Variants in NR2F1 observed in about 807,000 individuals in gnomAD.
The protein encoded by NR2F1 is COUP transcription factor 1.
A neutral mutation model predicts 37.7 loss-of-function variants in NR2F1; 1 was observed. The ratio of observed to expected loss-of-function variants is 0.03; its 90% CI spans 0.01 to 0.13. The LOEUF is 0.13. Among genes scored for constraint, NR2F1 ranks in the 10% least tolerant of loss-of-function variants. The probability of loss-of-function intolerance (pLI) is 1.00; values close to 1 mark genes in which losing one functional copy is unlikely to be tolerated. For synonymous variants in NR2F1, 275 were observed against 259.6 expected (o/e 1.06, Z -0.57); for missense variants, 268 against 578.4 (o/e 0.46, Z 5.50).
intron 2 of NR2F1, 59 bp downstream of exon 2, chr5:93,588,503 C>T (rs991928440): frequency 8.5e-6 from 11 of 1,298,238 alleles, no homozygotes; most frequent in Non-Finnish European, 1.1e-5. Flanking sequence ...GGCCCCGCGC[C>T]GCCCGGGCCT....
rs1379103854 is a variant in NR2F1 at position 93,584,457 on chromosome 5, G to C, written c.-567G>C. The C allele has an allele frequency of 6.7e-6, 1 of 149,570 alleles. No homozygotes were observed. Among genetic ancestry groups the C allele is most frequent in the East Asian group, 1.9e-4 (1 of 5,138 alleles). The allele number at this position is 149,570 out of a possible 1,614,324, so 9.3% of individuals were successfully genotyped here. On this transcript the variant is annotated 5_prime_UTR_variant, in exon 1 of 3. Coordinates refer to ENST00000327111, the MANE Select transcript of NR2F1 (RefSeq NM_005654.6). Reference sequence around the variant, plus strand: ...TGTGTGTGCGAGTGTGTGTGTGCGCGGGGGTGCGGGCGAGGCGGAGGGCGA... The same window carrying C: ...TGTGTGTGCGAGTGTGTGTGTGCGCCGGGGTGCGGGCGAGGCGGAGGGCGA...
chr5:93,585,676 C>G (rs1753218478), intron 1 of NR2F1, 190 bp downstream of exon 1: 1 of 586,242 alleles, frequency 1.7e-6, no homozygotes. Context: ...CTGCCGCTGC[C>G]TCCCCCTCCC....
intron 1 of NR2F1, among the ~76,000 whole-genome samples, chr5:93,586,562 G>C (rs373056078): frequency 6.6e-6 from 1 of 152,102 alleles, no homozygotes; most frequent in Non-Finnish European, 1.5e-5. Context: ...TCAAATTAGC[G>C]AACCAGTCAA....
intron 2 of NR2F1, 116 bp downstream of exon 2, chr5:93,588,560 T>A (rs1250632483): frequency 9.7e-6 from 6 of 618,900 alleles, no homozygotes; most frequent in African/African-American, 2.0e-5. Flanking sequence ...GGCCGGGCCC[T>A]CGCTGGACAC....
chr5:93,587,871 GCTCCCTGGATGCACATTGC>G, intron 1 of NR2F1, 27 bp from the exon 2 acceptor site: 2 of 1,522,214 alleles, frequency 1.3e-6, no homozygotes, highest in East Asian at 4.5e-5. Context: ...ATGTTCGCAA[GCTCCCTGGATGCACATTGC>G]CTCTTTTCTC....
chr5:93,588,954 CAG>C (rs1346002119), intron 2 of NR2F1, among the ~76,000 whole-genome samples: 3 of 152,062 alleles, frequency 2.0e-5, no homozygotes, highest in Non-Finnish European at 4.4e-5. Flanking sequence ...TTTCCCGACA[CAG>C]AGAGACACAG....
chr5:93,585,262 G>A lies in NR2F1; in HGVS notation c.239G>A (p.Ser80Asn). 1 of 1,587,242 alleles carries A rather than the reference G, an allele frequency of 6.3e-7. No homozygotes were observed. Among genetic ancestry groups the A allele is most frequent in the Non-Finnish European group, 8.6e-7 (1 of 1,166,722 alleles). The change falls in exon 1 of 3, where the codon AGC (serine) becomes AAC (asparagine). Residue 80 changes from serine to asparagine, a missense_variant. Ser to Asn is a conservative substitution (Grantham distance 46). This residue lies in a region of NR2F1 where 90 missense variants were observed against 106.5 expected (regional missense o/e 0.85). Transcript: ENST00000327111. The part of the protein sequence containing the change: ...KGQGPPGSGQ[S>N]QQHIECVVCG... ...CAGGGCCCGCCCGGTTCGGGCCAGAGCCAGCAGCACATCGAGTGCGTGGTG... is the reference window on the plus strand; with the variant it reads ...CAGGGCCCGCCCGGTTCGGGCCAGAACCAGCAGCACATCGAGTGCGTGGTG...
rs1413991107 is a variant in NR2F1, at chr5:93,584,604, G to A, written c.-420G>A. 2.7e-5 allele frequency: 4 copies of A among 147,920 alleles called. No homozygotes were observed. Among genetic ancestry groups the A allele is most frequent in the Non-Finnish European group, 6.0e-5 (4 of 66,478 alleles). 9.2% of individuals were successfully genotyped at this position (147,920 alleles called of 1,614,324 possible). ...GGGGAAGAAGAAAAAAGCGAGAGAA[G>A]GGAGCTTGCTCGCCGGGGGGTGGGG... On this transcript the variant is annotated 5_prime_UTR_variant, in exon 1 of 3. Transcript: ENST00000327111.
At position 93,585,173 on chromosome 5, in the gene NR2F1, C is replaced by G. The variant is rs1272746750; in HGVS notation, c.150C>G (p.His50Gln). The change falls in exon 1 of 3, where the codon CAC becomes CAG. Residue 50 changes from histidine (H) to glutamine (Q), a missense_variant. Transcript: ENST00000327111. ...AGCAGGCGGGCTCGGGCGCGCCGCACACGCCGCAGACCCCGGGCCAGCCCG... is the reference window on the plus strand; with the variant it reads ...AGCAGGCGGGCTCGGGCGCGCCGCAGACGCCGCAGACCCCGGGCCAGCCCG... ...QQQQAGSGAP[H>Q]TPQTPGQPGA... is the part of the protein sequence containing the mutation. The G allele has an allele frequency of 8.0e-7, 1 of 1,246,028 alleles. No homozygotes were observed. Among genetic ancestry groups the G allele is most frequent in the Non-Finnish European group, 1.0e-6 (1 of 994,408 alleles). 77.2% of individuals were successfully genotyped at this position (1,246,028 alleles called of 1,614,324 possible).
At position 93,594,103 on chromosome 5, in the gene NR2F1, GTGTC is replaced by G. The variant is rs1477408085; in HGVS notation, c.*268_*271del. On this transcript the variant is annotated 3_prime_UTR_variant, in exon 3 of 3. Transcript: ENST00000327111. ...CAAAACAAACAAAAAAAAGAACCTT[GTGTC>G]TGTCTGGTGAAAAAAAGAAAAACAA... 6.9e-6 allele frequency: 3 copies of G among 432,392 alleles called. No homozygotes were observed. The highest frequency in any genetic ancestry group is 2.0e-5 in the African/African-American group (1 of 49,434). 26.8% of individuals were successfully genotyped at this position (432,392 alleles called of 1,614,324 possible).
chr5:93,585,154 C>G lies in NR2F1; in HGVS notation c.131C>G (p.Ala44Gly), dbSNP rs1753207201. ...GGGAGEQQQQAGSGAPHTPQT... is the reference protein window; with the variant it reads ...GGGAGEQQQQGGSGAPHTPQT... ...GGCGCCGGCGAGCAGCAGCAGCAGG[C>G]GGGCTCGGGCGCGCCGCACACGCCG... is the stretch of plus-strand genomic sequence containing the variant. Residue 44 changes from alanine (A) to glycine (G), a missense_variant, in exon 1 of 3, where the codon GCG (alanine) becomes GGG (glycine). This residue lies in a region of NR2F1 where 90 missense variants were observed against 106.5 expected (regional missense o/e 0.85). Coordinates refer to ENST00000327111, the MANE Select transcript of NR2F1 (RefSeq NM_005654.6). 1 of 1,163,112 alleles carries G rather than the reference C, an allele frequency of 8.6e-7. No individual in the cohort carries two copies. Among genetic ancestry groups the G allele is most frequent in the African/African-American group, 1.6e-5 (1 of 61,506 alleles). The allele number at this position is 1,163,112 out of a possible 1,614,324, so 72.0% of individuals were successfully genotyped here. A position where few individuals can be genotyped will look rare whatever the true frequency, so the allele number is the denominator to read the frequency against.
Position 93,593,593 on chromosome 5 carries a change from C to G in NR2F1, c.1023C>G (p.Ile341Met). The G allele has an allele frequency of 6.2e-7, 1 of 1,613,848 alleles. No individual in the cohort carries two copies. Among genetic ancestry groups the G allele is most frequent in the Non-Finnish European group, 8.5e-7 (1 of 1,179,988 alleles). Reference sequence around the variant, plus strand: ...GTGGCCTGTCGGATGCGGCCCACATCGAGAGCCTGCAGGAGAAGTCGCAGT... The same window carrying G: ...GTGGCCTGTCGGATGCGGCCCACATGGAGAGCCTGCAGGAGAAGTCGCAGT... ...DACGLSDAAHIESLQEKSQCA... is the reference protein window; with the variant it reads ...DACGLSDAAHMESLQEKSQCA... Residue 341 changes from isoleucine to methionine, a missense_variant, in exon 3 of 3, where the codon ATC (isoleucine) becomes ATG (methionine). Physicochemically the swap from Ile to Met is conservative, Grantham distance 10 (BLOSUM62 1). Around this residue, in one of 5 missense-constraint regions of NR2F1, gnomAD observed 99 missense variants for 191.9 expected, o/e 0.52. Coordinates refer to ENST00000327111, the MANE Select transcript of NR2F1 (RefSeq NM_005654.6). The surrounding 1 kb of genome is among the most constrained non-coding windows in gnomAD (Gnocchi z 5.6).
At position 93,593,479 on chromosome 5, in the gene NR2F1, A is replaced by T; in HGVS notation, c.992-83A>T. The T allele has an allele frequency of 7.2e-7, 1 of 1,390,818 alleles. No individual in the cohort carries two copies. Among genetic ancestry groups the T allele is most frequent in the East Asian group, 2.3e-5 (1 of 43,392 alleles). The allele number at this position is 1,390,818 out of a possible 1,614,324, so 86.2% of individuals were successfully genotyped here. ...TCCATTTTCTCCTTAAAAAAAATTG[A>T]TGGCTTATTTTGCCTTTGCTATTTG... On this transcript the variant is annotated intron_variant, in intron 2 of 2. Coordinates refer to ENST00000327111, the MANE Select transcript of NR2F1 (RefSeq NM_005654.6). The surrounding 1 kb of genome is among the most constrained non-coding windows in gnomAD (Gnocchi z 5.6).
Position 93,593,715 on chromosome 5 carries a change from C to A in NR2F1, c.1145C>A (p.Ser382Tyr). The A allele has an allele frequency of 6.2e-7, 1 of 1,614,214 alleles. No homozygotes were observed. Among genetic ancestry groups the A allele is most frequent in the Non-Finnish European group, 8.5e-7 (1 of 1,180,042 alleles). ...CTGCCCTCGCTGCGCACCGTGTCCT[C>A]CTCCGTCATCGAGCAGCTCTTCTTC... is the stretch of plus-strand genomic sequence containing the variant. Reference protein sequence around the residue: ...LRLPSLRTVSSSVIEQLFFVR... With the variant: ...LRLPSLRTVSYSVIEQLFFVR... The change falls in exon 3 of 3, where the codon TCC becomes TAC. Residue 382 changes from serine to tyrosine, a missense_variant. By Grantham distance (144) the Ser-to-Tyr change is moderately radical. Coordinates refer to ENST00000327111, the MANE Select transcript of NR2F1 (RefSeq NM_005654.6). The surrounding 1 kb of genome is among the most constrained non-coding windows in gnomAD (Gnocchi z 5.6).
At position 93,591,683 on chromosome 5, in the gene NR2F1, T is replaced by A. The variant is rs893425547; in HGVS notation, c.992-1879T>A. Among the ~76,000 whole-genome samples the A allele has an allele frequency of 3.3e-5, 5 of 151,670 alleles. No individual in the cohort carries two copies. The East Asian group carries it at 7.7e-4, about 23-fold the overall frequency. On this transcript the variant is annotated intron_variant, in intron 2 of 2. Transcript: ENST00000327111. ...CTGAGCTGAGGGGATGCCAGATGGA[T>A]CTTAAAAAAAAAAAATCTGCCGGGA...
chr5:93,587,573 T>C, intron 1 of NR2F1: 1 of 252,668 alleles, frequency 4.0e-6, no homozygotes, highest in East Asian at 7.2e-5. Flanking sequence ...TCTGGAGGGG[T>C]GAGTGGGGTT....
Position 93,587,906 on chromosome 5 carries a change from CTT to C in NR2F1, c.464-7_464-6del, listed in dbSNP as rs777528084. On this transcript the variant is annotated splice_polypyrimidine_tract_variant and intron_variant, in intron 1 of 2. Transcript: ENST00000327111. ...TGCACATTGCCTCTTTTCTCTCTTT[CTT>C]TTTGTCAGCGGTTCAGCGAGGAAGA... is the stretch of plus-strand genomic sequence containing the variant. 1.5e-5 allele frequency: 23 copies of C among 1,548,580 alleles called. No homozygotes were observed. Among genetic ancestry groups the C allele is most frequent in the Non-Finnish European group, 2.0e-5 (23 of 1,144,606 alleles).
At chr5:93,588,790 C>CGT (rs200226530) in intron 2 of NR2F1, among the ~76,000 whole-genome samples, 5,916 of 148,146 alleles carry the variant, frequency 0.04, 144 homozygotes, top group Non-Finnish European at 0.052. Context: ...CGCGCGCGCG[C>CGT]GCGTGTGTGT....
intron 1 of NR2F1, chr5:93,587,550 T>A (rs1010136117): frequency 1.9e-5 from 4 of 215,074 alleles, no homozygotes; most frequent in Non-Finnish European, 3.6e-5. Context: ...TAACCCTGAT[T>A]TTTTTTTTCC....
Sources: allele counts gnomAD v4.1 joint callset (sites outside exome capture counted in the v4.1 genomes callset), GRCh38; gene constraint gnomAD v4.1.1; regional missense constraint gnomAD v4.1.1; non-coding constraint Gnocchi (gnomAD v3.1); transcripts MANE v1.5; gene names NCBI Gene and HGNC (gene_info 2026-07-23, HGNC 2026-07-21).